The following HDGFL3 variants were observed in gnomAD, a reference collection of about 807,000 sequenced individuals.
HDGFL3 encodes HDGF like 3.
In HDGFL3, 6 loss-of-function variants were observed where a neutral mutation model predicts 27.6. The observed-to-expected ratio is 0.22, with a 90% CI of 0.12 to 0.43. The LOEUF (loss-of-function observed/expected upper bound fraction) is 0.43. HDGFL3 is among the 20% of genes least tolerant of loss of function. HDGFL3 has a pLI of 1.00. For synonymous variants in HDGFL3, 88 were observed against 88.9 expected (o/e 0.99, Z 0.05); for missense variants, 207 against 250.1 (o/e 0.83, Z 1.16).
rs989991003 is a variant in HDGFL3, at chr15:83,132,829, T to C, written c.*6441A>G. The C allele has an allele frequency of 6.6e-6, 1 of 152,226 alleles. No homozygotes were observed. Among genetic ancestry groups the C allele is most frequent in the Non-Finnish European group, 1.5e-5 (1 of 68,036 alleles). 9.4% of individuals were successfully genotyped at this position (152,226 alleles called of 1,614,324 possible). On this transcript the variant is annotated 3_prime_UTR_variant, in exon 6 of 6. Transcript: ENST00000299633. ...CTTCATTTGCTTCTGGTGTGATTCA[T>C]TGCTAAACATCTTTATTTAGTATTA...
chr15:83,188,653 T>A (rs564031642), intron 1 of HDGFL3, among the ~76,000 whole-genome samples: 31 of 152,324 alleles, frequency 2.0e-4, no homozygotes, highest in African/African-American at 7.5e-4. Context: ...GATGCCATAG[T>A]CTCGTAATAT....
At chr15:83,176,944 G>A (rs2037319639) in intron 1 of HDGFL3, among the ~76,000 whole-genome samples, 1 of 62,550 alleles carries the variant, frequency 1.6e-5, no homozygotes, top group African/African-American at 1.8e-4. Context: ...AAACCCCAGA[G>A]TCTTGCTCTG....
At chr15:83,162,053 C>T (rs2037108007) in intron 2 of HDGFL3, among the ~76,000 whole-genome samples, 1 of 152,130 alleles carries the variant, frequency 6.6e-6, no homozygotes, top group South Asian at 2.1e-4. Context: ...TTAGCTGAAC[C>T]AAACGTAGCC....
At chr15:83,139,832 C>A (rs1180259208) in intron 5 of HDGFL3, among the ~76,000 whole-genome samples, 4 of 152,114 alleles carry the variant, frequency 2.6e-5, no homozygotes. Context: ...GCCTAGATTT[C>A]TTTTAAAATT....
rs535831338 is a variant in HDGFL3, at chr15:83,129,941, G to C, written c.*9329C>G. On this transcript the variant is annotated 3_prime_UTR_variant, in exon 6 of 6. Coordinates refer to ENST00000299633, the MANE Select transcript of HDGFL3 (RefSeq NM_016073.4). The stretch of plus-strand genomic sequence containing the variant: ...ATGGCCGCATACCCACTTCACTCTT[G>C]CCAGCCCTTTCTTTAGAGGATTAGA... 2.6e-5 allele frequency: 4 copies of C among 152,270 alleles called. No individual in the cohort carries two copies. In the East Asian group the frequency reaches 5.8e-4, roughly 22 times the overall value. The allele number at this position is 152,270 out of a possible 1,614,324, so 9.4% of individuals were successfully genotyped here. A position where few individuals can be genotyped will look rare whatever the true frequency, so the allele number is the denominator to read the frequency against.
At position 83,190,109 on chromosome 15, in the gene HDGFL3, G is replaced by C. The variant is rs535839865; in HGVS notation, c.84+17222C>G. ...CTGTAGTCCTAGCTACTTAGGCACAGAGTCTGCGGTAAGAGGATTGCTTGA... is the reference window on the plus strand; with the variant it reads ...CTGTAGTCCTAGCTACTTAGGCACACAGTCTGCGGTAAGAGGATTGCTTGA... On this transcript the variant is annotated intron_variant, in intron 1 of 5. Coordinates refer to ENST00000299633, the MANE Select transcript of HDGFL3 (RefSeq NM_016073.4). Among the ~76,000 whole-genome samples, 390 of 151,252 alleles carry C rather than the reference G, an allele frequency of 2.6e-3. 4 individuals carry two copies. Among genetic ancestry groups the C allele is most frequent in the African/African-American group, 9.3e-3 (381 of 41,150 alleles).
chr15:83,157,189 A>C (rs2037041585), intron 4 of HDGFL3, among the ~76,000 whole-genome samples: 1 of 152,082 alleles, frequency 6.6e-6, no homozygotes, highest in Non-Finnish European at 1.5e-5. Context: ...CCTCCAACTA[A>C]AAAGGTGGTA....
At chr15:83,144,810 T>C in intron 5 of HDGFL3, 1 of 333,510 alleles carries the variant, frequency 3.0e-6, no homozygotes. Flanking sequence ...AATGGACTGT[T>C]GATGAGTCTT....
chr15:83,141,092 G>A (rs2036760455), intron 5 of HDGFL3, among the ~76,000 whole-genome samples: 2 of 152,120 alleles, frequency 1.3e-5, no homozygotes, highest in Admixed American at 1.3e-4. Context: ...TAATCACTTT[G>A]CATCTATGTA....
At chr15:83,112,738 T>G in exon 4 of HDGFL3, 1 of 1,254,024 alleles carries the variant, frequency 8.0e-7, no homozygotes, top group Non-Finnish European at 1.2e-6. Context: ...AGTCAGGAAA[T>G]TCCAGGCACC....
At chr15:83,156,376 T>C (rs1416696731) in intron 4 of HDGFL3, among the ~76,000 whole-genome samples, 1 of 152,196 alleles carries the variant, frequency 6.6e-6, no homozygotes, top group African/African-American at 2.4e-5. Context: ...GTGATTACTG[T>C]GTGCTACCCC....
At position 83,186,916 on chromosome 15, in the gene HDGFL3, T is replaced by C. The variant is rs141310028; in HGVS notation, c.84+20415A>G. ...ATAAATACATTTTTTAAAAACAAAATTATCTTTATTCTATCTGTAAATTGG... is the reference window on the plus strand; with the variant it reads ...ATAAATACATTTTTTAAAAACAAAACTATCTTTATTCTATCTGTAAATTGG... On this transcript the variant is annotated intron_variant, in intron 1 of 5. Transcript: ENST00000299633. Among the ~76,000 whole-genome samples, 407 of 152,278 alleles carry C rather than the reference T, an allele frequency of 2.7e-3. 4 individuals carry two copies. The highest frequency in any genetic ancestry group is 9.3e-3 in the African/African-American group (387 of 41,572).
At chr15:83,125,756 G>GT (rs1283920034), downstream of HDGFL3, among the ~76,000 whole-genome samples, 1 of 152,234 alleles carries the variant, frequency 6.6e-6, no homozygotes, top group Non-Finnish European at 1.5e-5. Context: ...GCCCATGCAG[G>GT]TGACTTTTAT....
At chr15:83,143,023 CTTTTT>C (rs774809275) in intron 5 of HDGFL3, among the ~76,000 whole-genome samples, 2 of 149,436 alleles carry the variant, frequency 1.3e-5, no homozygotes, top group Non-Finnish European at 3.0e-5. Flanking sequence ...CCCTTAATAA[CTTTTT>C]TTTTTGAGAC....
At chr15:83,171,084 T>C (rs1291740089) in intron 1 of HDGFL3, among the ~76,000 whole-genome samples, 1 of 152,152 alleles carries the variant, frequency 6.6e-6, no homozygotes, top group African/African-American at 2.4e-5. Flanking sequence ...AGTTCTAGGG[T>C]ACATGTGCAC....
At chr15:83,124,857 T>C (rs1260509050), downstream of HDGFL3, 44 of 1,291,324 alleles carry the variant, frequency 3.4e-5, no homozygotes, top group East Asian at 1.0e-3. Context: ...AAATATGTTT[T>C]TGTTTTTCCA....
At position 83,131,653 on chromosome 15, in the gene HDGFL3, T is replaced by A. The variant is rs554771098; in HGVS notation, c.*7617A>T. The A allele has an allele frequency of 6.6e-6, 1 of 150,584 alleles. No individual in the cohort carries two copies. The highest frequency in any genetic ancestry group is 2.4e-5 in the African/African-American group (1 of 40,914). 9.3% of individuals were successfully genotyped at this position (150,584 alleles called of 1,614,324 possible). ...CTCAAAAAAAAGAAAGAAAAAAGAG[T>A]GAGTAGTTATTGGGGCCTTGATTTC... On this transcript the variant is annotated 3_prime_UTR_variant, in exon 6 of 6. Coordinates refer to ENST00000299633, the MANE Select transcript of HDGFL3 (RefSeq NM_016073.4).
At chr15:83,195,410 A>C (rs2037557337) in intron 1 of HDGFL3, among the ~76,000 whole-genome samples, 1 of 152,090 alleles carries the variant, frequency 6.6e-6, no homozygotes, top group Admixed American at 6.5e-5. Context: ...ATACTGAATA[A>C]ATGTGTCTTT....
chr15:83,188,624 T>C (rs2037474276), intron 1 of HDGFL3, among the ~76,000 whole-genome samples: 1 of 152,220 alleles, frequency 6.6e-6, no homozygotes, highest in Non-Finnish European at 1.5e-5. Flanking sequence ...CATTGACGTA[T>C]TTTCTTCTCG....
Sources: gnomAD v4.1 joint callset for allele counts (sites outside exome capture counted in the v4.1 genomes callset) on GRCh38, gnomAD v4.1.1 for gene constraint, MANE v1.5 for transcripts, NCBI Gene and HGNC (gene_info 2026-07-23, HGNC 2026-07-21) for gene names.